The following FANCC variants were observed in gnomAD, a reference collection of about 807,000 sequenced individuals.
FANCC encodes the protein FA complementation group C.
A neutral mutation model predicts 71.3 loss-of-function variants in FANCC; 55 were observed. That is an observed-to-expected ratio of 0.77 (90% CI 0.62 to 0.97). The LOEUF (loss-of-function observed/expected upper bound fraction) is 0.97. FANCC is among the 50% of genes least tolerant of loss of function. The pLI, the probability that FANCC is intolerant of heterozygous loss-of-function variation, is 0.00. For missense variants in FANCC, 678 were observed against 670.9 expected (o/e 1.01, Z -0.12); for synonymous variants, 275 against 244.9 (o/e 1.12, Z -1.15).
chr9:95,219,041 A>G (rs1030558220), intron 4 of FANCC, among the ~76,000 whole-genome samples: 1 of 152,194 alleles, frequency 6.6e-6, no homozygotes, highest in Non-Finnish European at 1.5e-5. Flanking sequence ...CCCTCATTAC[A>G]GAGAAAAGTA....
chr9:95,213,513 T>A (rs893942035), intron 4 of FANCC, among the ~76,000 whole-genome samples: 1 of 152,150 alleles, frequency 6.6e-6, no homozygotes, highest in African/African-American at 2.4e-5. Context: ...CATATCTGGT[T>A]GAATGATTTT....
chr9:95,246,326 G>A (rs1830977480), intron 3 of FANCC, among the ~76,000 whole-genome samples: 1 of 152,194 alleles, frequency 6.6e-6, no homozygotes, highest in Admixed American at 6.5e-5. Context: ...TGCTCACAGG[G>A]CTAAACACAC....
At chr9:95,276,034 A>G (rs1833017964) in intron 1 of FANCC, among the ~76,000 whole-genome samples, 1 of 152,206 alleles carries the variant, frequency 6.6e-6, no homozygotes, top group Admixed American at 6.5e-5. Context: ...CACTAAAATC[A>G]GACAGCCAGA....
chr9:95,143,377 G>A (rs1460914323), intron 7 of FANCC, among the ~76,000 whole-genome samples: 1 of 152,144 alleles, frequency 6.6e-6, no homozygotes, highest in African/African-American at 2.4e-5. Context: ...TGATCAGGTC[G>A]AACTCTGGGG....
At chr9:95,173,752 T>TA (rs1281495428) in intron 4 of FANCC, among the ~76,000 whole-genome samples, 3 of 151,828 alleles carry the variant, frequency 2.0e-5, no homozygotes, top group Non-Finnish European at 2.9e-5. Context: ...CCCACCTCTA[T>TA]AAAAAATACA....
chr9:95,139,231 C>T (rs61358915), intron 7 of FANCC, among the ~76,000 whole-genome samples: 3,455 of 152,188 alleles, frequency 0.023, 143 homozygotes, highest in African/African-American at 0.079. Context: ...GGAAGGGAAA[C>T]GCACCGACGT....
At chr9:95,235,002 G>A (rs1283691924) in intron 4 of FANCC, among the ~76,000 whole-genome samples, 3 of 152,172 alleles carry the variant, frequency 2.0e-5, no homozygotes, top group Non-Finnish European at 4.4e-5. Flanking sequence ...GCTTTACTCA[G>A]TCAACTAATT....
chr9:95,313,524 T>C (rs1835543440), intron 1 of FANCC, among the ~76,000 whole-genome samples: 1 of 152,152 alleles, frequency 6.6e-6, no homozygotes, highest in Admixed American at 6.5e-5. Flanking sequence ...CTGATGACTT[T>C]GTGAGTGAAT....
rs760531228 is a variant in FANCC at position 95,197,318 on chromosome 9, T to C, written c.346-25171A>G. ...TTGAGAGGCCGAGGTAGGAGGACTGTTTGAGCCCAGAAGTTCCAGACCAGC... is the reference window on the plus strand; with the variant it reads ...TTGAGAGGCCGAGGTAGGAGGACTGCTTGAGCCCAGAAGTTCCAGACCAGC... On this transcript the variant is annotated intron_variant, in intron 4 of 14. Coordinates refer to ENST00000289081, the MANE Select transcript of FANCC (RefSeq NM_000136.3). Among the ~76,000 whole-genome samples the C allele has an allele frequency of 1.6e-4, 25 of 152,222 alleles. No individual in the cohort carries two copies. In the Middle Eastern group the frequency reaches 0.014, roughly 83 times the overall value.
chr9:95,275,860 G>GA (rs1252821231), intron 1 of FANCC, among the ~76,000 whole-genome samples: 3 of 151,312 alleles, frequency 2.0e-5, no homozygotes, highest in South Asian at 2.1e-4. Flanking sequence ...TCTCTAAAAA[G>GA]AAAAAAAAGA....
At chr9:95,284,558 A>G (rs1833561419) in intron 1 of FANCC, among the ~76,000 whole-genome samples, 1 of 152,160 alleles carries the variant, frequency 6.6e-6, no homozygotes, top group Non-Finnish European at 1.5e-5. Flanking sequence ...ATTTCTCAAC[A>G]TCTTGGAAAC....
chr9:95,131,526 TG>T (rs1826912936), intron 8 of FANCC, among the ~76,000 whole-genome samples: 1 of 152,248 alleles, frequency 6.6e-6, no homozygotes, highest in Non-Finnish European at 1.5e-5. Context: ...CTGGAGGATC[TG>T]GTGCCCCCCT....
rs1737753780 is a variant in FANCC at position 95,248,617 on chromosome 9, C to A, written c.165+510G>T. Among the ~76,000 whole-genome samples, 3 of 151,666 alleles carry A rather than the reference C, an allele frequency of 2.0e-5. No individual in the cohort carries two copies. The South Asian group carries it at 6.3e-4, about 32-fold the overall frequency. On this transcript the variant is annotated intron_variant, in intron 2 of 14. Transcript: ENST00000289081. Reference sequence around the variant, plus strand: ...TGTGCTAAATCATAAAAATATCTATCATAATAAAAGAAACATGACATCAAA... The same window carrying A: ...TGTGCTAAATCATAAAAATATCTATAATAATAAAAGAAACATGACATCAAA...
intron 3 of FANCC, 89 bp from the exon 4 acceptor site, chr9:95,240,832 A>C: frequency 2.6e-6 from 2 of 780,276 alleles, no homozygotes; most frequent in Non-Finnish European, 4.5e-6. Flanking sequence ...GGAAAATCTC[A>C]AACTACTAAG....
At chr9:95,237,514 C>T (rs1470460819) in intron 4 of FANCC, among the ~76,000 whole-genome samples, 2 of 152,266 alleles carry the variant, frequency 1.3e-5, no homozygotes, top group Admixed American at 6.5e-5. Context: ...CTGCTGTATG[C>T]TCCACAGCTG....
At chr9:95,102,275 C>T (rs1405974088) in intron 14 of FANCC, among the ~76,000 whole-genome samples, 1 of 152,210 alleles carries the variant, frequency 6.6e-6, no homozygotes, top group African/African-American at 2.4e-5. Context: ...GAAAATACCA[C>T]CTGTTTTCAC....
chr9:95,231,275 T>C (rs750079906), intron 4 of FANCC, among the ~76,000 whole-genome samples: 1 of 152,208 alleles, frequency 6.6e-6, no homozygotes, highest in Non-Finnish European at 1.5e-5. Flanking sequence ...ATCCAAACTA[T>C]GTTACTTTTT....
chr9:95,158,785 C>A (rs1312992651), intron 6 of FANCC, among the ~76,000 whole-genome samples: 1 of 152,118 alleles, frequency 6.6e-6, no homozygotes, highest in African/African-American at 2.4e-5. Context: ...GGTCTCTGCC[C>A]GAGGGATGTT....
intron 4 of FANCC, among the ~76,000 whole-genome samples, chr9:95,188,043 C>T (rs1371975569): frequency 4.6e-5 from 7 of 151,234 alleles, no homozygotes; most frequent in African/African-American, 9.7e-5. Context: ...ATAGTAGGTG[C>T]GAAATAAATG....
Sources: gnomAD v4.1 joint callset for allele counts (sites outside exome capture counted in the v4.1 genomes callset) on GRCh38, gnomAD v4.1.1 for gene constraint, MANE v1.5 for transcripts, NCBI Gene and HGNC (gene_info 2026-07-23, HGNC 2026-07-21) for gene names.